CPSF3: variants seen among roughly 807,000 people sequenced by gnomAD.
CPSF3 encodes the protein cleavage and polyadenylation specific factor 3, also known as cleavage and polyadenylation specificity factor subunit 3.
Under a neutral mutation model 84.1 loss-of-function variants are expected in CPSF3, and 57 were observed. The ratio of observed to expected loss-of-function variants is 0.68; its 90% CI spans 0.55 to 0.85. CPSF3 has a LOEUF of 0.85. Ranked by LOEUF, CPSF3 falls within the 40% of genes least tolerant of loss-of-function variation. CPSF3 has a pLI of 0.00. For missense variants in CPSF3, 522 were observed against 838.8 expected, an observed-to-expected ratio of 0.62 and a Z score of 4.66; for synonymous variants, 275 against 278.1, an observed-to-expected ratio of 0.99 and a Z score of 0.11.
intron 1 of CPSF3, 81 bp downstream of exon 1, chr2:9,423,904 G>A: frequency 1.3e-6 from 2 of 1,562,066 alleles, no homozygotes; most frequent in Non-Finnish European, 1.7e-6. Context: ...CTCCTCCGTC[G>A]CCCGCGCTCC....
chr2:9,462,298 G>C (rs1347223163), intron 15 of CPSF3, among the ~76,000 whole-genome samples: 6 of 152,182 alleles, frequency 3.9e-5, no homozygotes, highest in Non-Finnish European at 8.8e-5. Context: ...ATTTCTGATA[G>C]CCCTTTTATA....
At chr2:9,440,349 G>T in intron 7 of CPSF3, 142 bp from the exon 8 acceptor site, 1 of 696,610 alleles carries the variant, frequency 1.4e-6, no homozygotes, top group South Asian at 2.6e-5. Context: ...GGATAATTTT[G>T]CTTAAACTCT....
chr2:9,466,402 G>GCACGCGCACACACGCA (rs746072943), intron 15 of CPSF3, among the ~76,000 whole-genome samples: 5 of 137,852 alleles, frequency 3.6e-5, no homozygotes, highest in African/African-American at 8.4e-5. Flanking sequence ...GCACACACAC[G>GCACGCGCACACACGCA]CACGCGCACA....
intron 11 of CPSF3, 152 bp from the exon 12 acceptor site, chr2:9,452,761 T>TA (rs1469462827): frequency 3.3e-6 from 2 of 611,538 alleles, no homozygotes; most frequent in Non-Finnish European, 5.8e-6. Context: ...ATCATAGAGA[T>TA]ATCAAACATT....
intron 15 of CPSF3, among the ~76,000 whole-genome samples, chr2:9,465,597 A>G (rs1458381469): frequency 6.6e-6 from 1 of 152,186 alleles, no homozygotes; most frequent in Non-Finnish European, 1.5e-5. Flanking sequence ...AATATATAAA[A>G]GAGGAAATTG....
rs891064693 is a variant in CPSF3 at position 9,434,047 on chromosome 2, T to C, written c.609+87T>C. On this transcript the variant is annotated intron_variant, in intron 6 of 17. Transcript: ENST00000238112. ...AAATAATACTGTGATCTCACTTTCA[T>C]AATATGTTATTGGATATAAACTTAC... 3.5e-5 allele frequency: 27 copies of C among 774,910 alleles called. No individual in the cohort carries two copies. The Admixed American group carries it at 6.2e-4, about 18-fold the overall frequency. 48.0% of individuals were successfully genotyped at this position (774,910 alleles called of 1,614,324 possible).
intron 17 of CPSF3, among the ~76,000 whole-genome samples, chr2:9,472,566 G>C (rs1297575605): frequency 6.6e-6 from 1 of 152,190 alleles, no homozygotes; most frequent in Non-Finnish European, 1.5e-5. Flanking sequence ...GCTGCTGTCA[G>C]GAAGCACTGC....
At chr2:9,451,862 G>A (rs1384909749) in intron 11 of CPSF3, among the ~76,000 whole-genome samples, 9 of 151,706 alleles carry the variant, frequency 5.9e-5, no homozygotes, top group South Asian at 2.1e-4. Flanking sequence ...GACTACAGGC[G>A]CCCGCCACCA....
At chr2:9,467,593 A>C in intron 15 of CPSF3, 114 bp from the exon 16 acceptor site, 1 of 648,410 alleles carries the variant, frequency 1.5e-6, no homozygotes, top group Non-Finnish European at 2.6e-6. Flanking sequence ...CACTTTAAGG[A>C]TTCCATAGTT....
intron 11 of CPSF3, among the ~76,000 whole-genome samples, chr2:9,449,463 T>C (rs1485280610): frequency 2.6e-5 from 4 of 151,198 alleles, no homozygotes; most frequent in Non-Finnish European, 5.9e-5. Flanking sequence ...TAATCAAGGC[T>C]GGGCACGGTG....
chr2:9,430,025 G>A lies in CPSF3; in HGVS notation c.212+5G>A. On this transcript the variant is annotated splice_donor_5th_base_variant and intron_variant, in intron 3 of 17. Transcript: ENST00000238112. ...TGATCTCCTATTAATTAGTCAGTAA[G>A]TTTTTCCCTTTATTAATGACACTTT... 6.7e-7 allele frequency: 1 copy of A among 1,482,526 alleles called. No homozygotes were observed. The highest frequency in any genetic ancestry group is 2.4e-5 in the East Asian group (1 of 40,918). The allele number at this position is 1,482,526 out of a possible 1,614,324, so 91.8% of individuals were successfully genotyped here. A position where few individuals can be genotyped will look rare whatever the true frequency, so the allele number is the denominator to read the frequency against.
intron 13 of CPSF3, 27 bp downstream of exon 13, chr2:9,455,784 C>G (rs1295011335): frequency 6.8e-7 from 1 of 1,477,410 alleles, no homozygotes. Flanking sequence ...AAATTCATTT[C>G]ATTGTTTTCT....
At chr2:9,441,332 A>T (rs1400108026) in intron 8 of CPSF3, among the ~76,000 whole-genome samples, 6 of 152,368 alleles carry the variant, frequency 3.9e-5, no homozygotes, top group African/African-American at 1.2e-4. Context: ...TTCATAAAGT[A>T]TTTATTTTAA....
At chr2:9,455,598 C>T in intron 12 of CPSF3, 61 bp from the exon 13 acceptor site, 2 of 1,150,368 alleles carry the variant, frequency 1.7e-6, no homozygotes, top group South Asian at 1.3e-5. Context: ...TTTTTCTTTG[C>T]TCCTGGTATG....
At chr2:9,451,459 T>A (rs1294599134) in intron 11 of CPSF3, among the ~76,000 whole-genome samples, 1 of 152,078 alleles carries the variant, frequency 6.6e-6, no homozygotes, top group Non-Finnish European at 1.5e-5. Context: ...TGAGAGAAGT[T>A]ATATTTAAGA....
intron 10 of CPSF3, among the ~76,000 whole-genome samples, chr2:9,445,678 G>A (rs1681104720): frequency 6.6e-6 from 1 of 152,170 alleles, no homozygotes; most frequent in Non-Finnish European, 1.5e-5. Flanking sequence ...CCAAGCCAGG[G>A]AGGAAAAGCC....
In CPSF3 at chr2:9,440,734, A is replaced by C. The variant is rs532588780; in HGVS notation, c.936+68A>C. On this transcript the variant is annotated intron_variant, in intron 8 of 17. Transcript: ENST00000238112. ...TCAGTCATTAGTAGTAGGAGGTACG[A>C]GGCCGTGAGTGATGGCTCACAGCTG... The C allele has an allele frequency of 3.2e-3, 4,716 of 1,495,516 alleles. 19 individuals are homozygous for C. The highest frequency in any genetic ancestry group is 2.8e-3 in the Non-Finnish European group (3,067 of 1,084,044). The allele number at this position is 1,495,516 out of a possible 1,614,324, so 92.6% of individuals were successfully genotyped here.
chr2:9,432,737 C>A, intron 5 of CPSF3, 49 bp downstream of exon 5: 1 of 1,393,854 alleles, frequency 7.2e-7, no homozygotes, highest in South Asian at 1.9e-5. Flanking sequence ...CAGTACAGAG[C>A]TTTGTGCCAC....
rs200877075 is a variant in CPSF3, at chr2:9,443,333, T to A, written c.1096-182T>A. Among the ~76,000 whole-genome samples the A allele has an allele frequency of 2.6e-5, 4 of 152,176 alleles. No homozygotes were observed. The East Asian group carries it at 7.7e-4, about 29-fold the overall frequency. The stretch of plus-strand genomic sequence containing the variant: ...TAGTTAATTTGTTTACTTTTCTCAT[T>A]AAATGTTTGCTTGATTGAGAACATG... On this transcript the variant is annotated intron_variant, in intron 9 of 17. Transcript: ENST00000238112.
Sources: allele counts gnomAD v4.1 joint callset (sites outside exome capture counted in the v4.1 genomes callset), GRCh38; gene constraint gnomAD v4.1.1; transcripts MANE v1.5; gene names NCBI Gene and HGNC (gene_info 2026-07-23, HGNC 2026-07-21).